NT5C2: variants seen among roughly 807,000 people sequenced by gnomAD.
NT5C2 encodes the protein 5'-nucleotidase, cytosolic II, also known as cytosolic purine 5'-nucleotidase.
A neutral mutation model predicts 76.1 loss-of-function variants in NT5C2; 58 were observed. That is an observed-to-expected ratio of 0.76 (90% confidence interval 0.62 to 0.95). NT5C2 has a LOEUF of 0.95. Among genes scored for constraint, NT5C2 ranks in the 40% least tolerant of loss-of-function variants. The probability of loss-of-function intolerance (pLI) is 0.00; values close to 1 mark genes in which losing one functional copy is unlikely to be tolerated. For synonymous variants in NT5C2, 229 were observed against 237.4 expected (o/e 0.96, Z 0.32); for missense variants, 478 against 690.3 (o/e 0.69, Z 3.45).
At chr10:103,140,155 G>A (rs1477182125) in intron 3 of NT5C2, 1 of 152,152 alleles carries the variant, frequency 6.6e-6, no homozygotes. Flanking sequence ...CTGGGCTCAA[G>A]CAACCCTCCT....
intron 4 of NT5C2, among the ~76,000 whole-genome samples, chr10:103,133,947 G>C (rs979176567): frequency 6.6e-6 from 1 of 152,204 alleles, no homozygotes; most frequent in Non-Finnish European, 1.5e-5. Flanking sequence ...CCCTACCCTA[G>C]AGATTTGTGG....
chr10:103,192,252 G>T (rs1455379880), intron 1 of NT5C2, among the ~76,000 whole-genome samples: 4 of 152,138 alleles, frequency 2.6e-5, no homozygotes, highest in Non-Finnish European at 4.4e-5. Context: ...CAATCCTGAA[G>T]AACTCATCGG....
rs761597571 is a variant in NT5C2 at position 103,091,004 on chromosome 10, TAAAAG to T, written c.1212-13_1212-9del. 113 of 1,611,894 alleles carry T rather than the reference TAAAAG, an allele frequency of 7.0e-5. No homozygotes were observed. Among genetic ancestry groups the T allele is most frequent in the Non-Finnish European group, 9.4e-5 (111 of 1,179,176 alleles). Reference sequence around the variant, plus strand: ...CTACTGCTGTCAAGATGCCTAAAGATAAAAGAAAAACTCAGTGAAAATCTCTGGGA... The same window carrying T: ...CTACTGCTGTCAAGATGCCTAAAGATAAAAACTCAGTGAAAATCTCTGGGA... On this transcript the variant is annotated splice_polypyrimidine_tract_variant and intron_variant, in intron 16 of 18. Transcript: ENST00000404739.
At chr10:103,125,126 G>T (rs2076424494) in intron 4 of NT5C2, 1 of 494,944 alleles carries the variant, frequency 2.0e-6, no homozygotes, top group East Asian at 4.8e-5. Flanking sequence ...CTGGCAGGAT[G>T]GAAGCAGATT....
chr10:103,098,246 G>T, intron 10 of NT5C2: 1 of 306,422 alleles, frequency 3.3e-6, no homozygotes, highest in Middle Eastern at 1.1e-3. Flanking sequence ...TATAACCACA[G>T]TATAATTATG....
intron 1 of NT5C2, among the ~76,000 whole-genome samples, chr10:103,184,629 T>C (rs2091772850): frequency 6.6e-6 from 1 of 152,224 alleles, no homozygotes. Flanking sequence ...CATGGAGCCC[T>C]TTGCTTTTCA....
At chr10:103,170,961 A>G (rs1261244322) in intron 3 of NT5C2, among the ~76,000 whole-genome samples, 1 of 152,218 alleles carries the variant, frequency 6.6e-6, no homozygotes, top group Non-Finnish European at 1.5e-5. Flanking sequence ...AATTGAAGAA[A>G]AAGTATAGAA....
chr10:103,164,269 C>A (rs188562555), intron 3 of NT5C2, among the ~76,000 whole-genome samples: 4 of 149,860 alleles, frequency 2.7e-5, no homozygotes, highest in Non-Finnish European at 5.9e-5. Context: ...TTTTTTTTTT[C>A]TTATTTTGAG....
chr10:103,107,127 A>AT (rs1414706263), intron 4 of NT5C2, among the ~76,000 whole-genome samples: 1 of 152,236 alleles, frequency 6.6e-6, no homozygotes, highest in African/African-American at 2.4e-5. Context: ...GGTGTTGTGC[A>AT]TAATTGTTGC....
chr10:103,168,227 T>C (rs1015588093), intron 3 of NT5C2, among the ~76,000 whole-genome samples: 1 of 152,080 alleles, frequency 6.6e-6, no homozygotes, highest in African/African-American at 2.4e-5. Flanking sequence ...TAACAAAAAA[T>C]TCACAAGCCT....
rs765543565 is a variant in NT5C2, at chr10:103,090,804, G to C, written c.1273-17C>G. Reference sequence around the variant, plus strand: ...AGTTACTTTCTAAAACAAAGAACAAGATTGATTCTTGGCTCATTCAACAAA... The same window carrying C: ...AGTTACTTTCTAAAACAAAGAACAACATTGATTCTTGGCTCATTCAACAAA... On this transcript the variant is annotated splice_polypyrimidine_tract_variant and intron_variant, in intron 17 of 18. Coordinates refer to ENST00000404739, the MANE Select transcript of NT5C2 (RefSeq NM_001351169.2). 1 of 1,613,098 alleles carries C rather than the reference G, an allele frequency of 6.2e-7. No individual in the cohort carries two copies. Among genetic ancestry groups the C allele is most frequent in the Non-Finnish European group, 8.5e-7 (1 of 1,179,338 alleles).
chr10:103,143,928 C>G (rs2081031950), intron 3 of NT5C2, among the ~76,000 whole-genome samples: 2 of 152,076 alleles, frequency 1.3e-5, no homozygotes, highest in Non-Finnish European at 2.9e-5. Flanking sequence ...GCATTCTAGC[C>G]TGGGCAACAG....
intron 1 of NT5C2, among the ~76,000 whole-genome samples, chr10:103,192,926 G>A (rs2092752779): frequency 6.6e-6 from 1 of 152,166 alleles, no homozygotes; most frequent in Admixed American, 6.5e-5. Flanking sequence ...CGGGGTCCCA[G>A]CGAGCCGGCG....
chr10:103,164,312 C>T (rs1467775994), intron 3 of NT5C2, among the ~76,000 whole-genome samples: 1 of 152,020 alleles, frequency 6.6e-6, no homozygotes, highest in East Asian at 1.9e-4. Flanking sequence ...GGCTGGAGTG[C>T]ACTGGCTCAA....
At chr10:103,158,804 C>T (rs1292317903) in intron 3 of NT5C2, among the ~76,000 whole-genome samples, 17 of 140,564 alleles carry the variant, frequency 1.2e-4, no homozygotes, top group Non-Finnish European at 7.6e-5. Context: ...GGTGACAGAG[C>T]GAGACTCTTA....
intron 6 of NT5C2, among the ~76,000 whole-genome samples, chr10:103,101,574 G>A (rs1326221887): frequency 6.8e-6 from 1 of 147,594 alleles, no homozygotes; most frequent in Non-Finnish European, 1.5e-5. Context: ...TCAAACTCCT[G>A]AAGATTGCTC....
At chr10:103,180,941 CAT>C (rs984059269) in intron 2 of NT5C2, among the ~76,000 whole-genome samples, 3 of 152,028 alleles carry the variant, frequency 2.0e-5, no homozygotes, top group Non-Finnish European at 2.9e-5. Context: ...AAAAAGAGTA[CAT>C]AGTGTATGAT....
At chr10:103,152,945 T>G (rs2133807112) in intron 3 of NT5C2, among the ~76,000 whole-genome samples, 1 of 152,358 alleles carries the variant, frequency 6.6e-6, no homozygotes, top group East Asian at 1.9e-4. Context: ...GCCATTGAAT[T>G]TTTAAGCTTC....
chr10:103,114,609 CAA>C (rs2073905201), intron 4 of NT5C2, among the ~76,000 whole-genome samples: 1 of 152,060 alleles, frequency 6.6e-6, no homozygotes, highest in Non-Finnish European at 1.5e-5. Context: ...CTACCTTCTT[CAA>C]AGAGTCTTAA....
Sources: allele counts gnomAD v4.1 joint callset (sites outside exome capture counted in the v4.1 genomes callset), GRCh38; gene constraint gnomAD v4.1.1; transcripts MANE v1.5; gene names NCBI Gene and HGNC (gene_info 2026-07-23, HGNC 2026-07-21).